CHRDL2: variants seen among roughly 807,000 people sequenced by gnomAD.
The protein encoded by CHRDL2 is chordin-like protein 2.
In CHRDL2, 41 loss-of-function variants were observed where a neutral mutation model predicts 54.3. The observed-to-expected ratio is 0.76, with a 90% CI of 0.59 to 0.98. The LOEUF (loss-of-function observed/expected upper bound fraction) is 0.98. Among genes scored for constraint, CHRDL2 ranks in the 50% least tolerant of loss-of-function variants. CHRDL2 has a pLI of 0.00. For missense variants in CHRDL2, 518 were observed against 562.4 expected (o/e 0.92, Z 0.80); for synonymous variants, 220 against 224.3 (o/e 0.98, Z 0.17).
chr11:74,706,380 CAA>C (rs987903258), intron 6 of CHRDL2, 105 bp downstream of exon 6: 1 of 1,133,550 alleles, frequency 8.8e-7, no homozygotes, highest in African/African-American at 1.5e-5. Context: ...AGGGGACAAA[CAA>C]GAAATGAGGA....
chr11:74,707,825 C>G (rs1163837957), intron 5 of CHRDL2, among the ~76,000 whole-genome samples: 1 of 152,102 alleles, frequency 6.6e-6, no homozygotes, highest in Non-Finnish European at 1.5e-5. Context: ...TGCCTCTGCT[C>G]CCAGGGCTAC....
intron 5 of CHRDL2, 39 bp downstream of exon 5, chr11:74,708,263 G>A (rs376829318): frequency 7.0e-5 from 98 of 1,409,220 alleles, no homozygotes; most frequent in Non-Finnish European, 8.9e-5. Context: ...ATGGAGTGGA[G>A]GGGTGGGTGA....
intron 4 of CHRDL2, among the ~76,000 whole-genome samples, chr11:74,709,421 G>T (rs551337046): frequency 6.6e-6 from 1 of 152,150 alleles, no homozygotes; most frequent in African/African-American, 2.4e-5. Flanking sequence ...TTCTGAGCCC[G>T]TTTCCTCATC....
In CHRDL2 at chr11:74,696,485, A is replaced by G; in HGVS notation, c.*24T>C. ...TATAATAACAACAATTATACAGCTC[A>G]TATCTGCAACTGTTAGGTCTTTGTT... On this transcript the variant is annotated 3_prime_UTR_variant, in exon 11 of 11. Transcript: ENST00000376332. 6.3e-7 allele frequency: 1 copy of G among 1,577,594 alleles called. No homozygotes were observed. Among genetic ancestry groups the G allele is most frequent in the Non-Finnish European group, 8.7e-7 (1 of 1,146,762 alleles).
rs144509806 is a variant in CHRDL2 at position 74,717,398 on chromosome 11, G to T, written c.195+1322C>A. On this transcript the variant is annotated intron_variant, in intron 2 of 10. Transcript: ENST00000376332. Reference sequence around the variant, plus strand: ...TTGGACTTTGTCAACTGGACCACATGATATGTCTGGAATTTTCTGTTATGA... The same window carrying T: ...TTGGACTTTGTCAACTGGACCACATTATATGTCTGGAATTTTCTGTTATGA... Among the ~76,000 whole-genome samples the T allele has an allele frequency of 3.9e-5, 6 of 152,332 alleles. No homozygotes were observed. In the East Asian group the frequency reaches 1.2e-3, roughly 29 times the overall value.
At chr11:74,704,034 G>A (rs1000956115) in intron 7 of CHRDL2, among the ~76,000 whole-genome samples, 4 of 152,090 alleles carry the variant, frequency 2.6e-5, no homozygotes, top group South Asian at 2.1e-4. Context: ...CTGCAGCCTC[G>A]CTCTGCTCCC....
intron 1 of CHRDL2, among the ~76,000 whole-genome samples, chr11:74,726,730 C>T (rs757878540): frequency 9.9e-5 from 15 of 152,188 alleles, no homozygotes; most frequent in African/African-American, 1.2e-4. Context: ...GCAGCCTGTG[C>T]GCCAGTGAGT....
At chr11:74,730,751 T>G (rs11236234) in intron 1 of CHRDL2, 56 bp downstream of exon 1, 825,386 of 1,499,070 alleles carry the variant, frequency 0.55, 233,386 homozygotes, top group Admixed American at 0.69. Flanking sequence ...GCGCTGTCCC[T>G]CACATTCCAG....
chr11:74,703,243 G>C, intron 8 of CHRDL2, 62 bp downstream of exon 8: 1 of 1,515,406 alleles, frequency 6.6e-7, no homozygotes, highest in Non-Finnish European at 8.9e-7. Flanking sequence ...TGTGGCCCTG[G>C]GGAGAGAGAC....
intron 1 of CHRDL2, among the ~76,000 whole-genome samples, chr11:74,725,048 C>T (rs1249673857): frequency 6.6e-6 from 1 of 151,532 alleles, no homozygotes; most frequent in Non-Finnish European, 1.5e-5. Flanking sequence ...GGCTGTGGTG[C>T]AGTGGCGCAA....
intron 2 of CHRDL2, 131 bp from the exon 3 acceptor site, chr11:74,713,610 CAATT>C: frequency 2.9e-6 from 2 of 687,778 alleles, no homozygotes. Context: ...GGACTGAAAA[CAATT>C]AAGTGTGCCC....
chr11:74,696,826 C>T (rs969295961), intron 10 of CHRDL2, among the ~76,000 whole-genome samples: 1 of 152,214 alleles, frequency 6.6e-6, no homozygotes, highest in Admixed American at 6.5e-5. Context: ...GTAATACTCC[C>T]CTCTGTGACC....
chr11:74,719,140 G>A (rs1433770), intron 1 of CHRDL2: 201,610 of 266,056 alleles, frequency 0.76, 76,897 homozygotes, highest in African/African-American at 0.83. Context: ...CATGGTATCA[G>A]CGTTAATTAT....
In CHRDL2 at chr11:74,718,833, C is replaced by T. The variant is rs1472625274; in HGVS notation, c.83-1G>A. The T allele has an allele frequency of 3.7e-6, 6 of 1,600,560 alleles. No individual in the cohort carries two copies. The highest frequency in any genetic ancestry group is 5.1e-6 in the Non-Finnish European group (6 of 1,171,098). On this transcript the variant is annotated splice_acceptor_variant, in intron 1 of 10. Transcript: ENST00000376332. LOFTEE classifies it high-confidence loss of function. ...TGGAAAAGGCAGAACATGTCTGGGC[C>T]TGGCAAACCGACCAGTGCCATGTTA...
chr11:74,702,134 T>C (rs2033836369), intron 9 of CHRDL2, among the ~76,000 whole-genome samples: 1 of 151,838 alleles, frequency 6.6e-6, no homozygotes, highest in African/African-American at 2.4e-5. Context: ...CTCATAACTG[T>C]GGTCCCAGCT....
chr11:74,719,104 C>A, intron 1 of CHRDL2: 3 of 407,662 alleles, frequency 7.4e-6, no homozygotes, highest in Non-Finnish European at 1.3e-5. Context: ...GGGAATCAAG[C>A]AGTGAAATGC....
intron 9 of CHRDL2, chr11:74,697,545 C>T (rs1331000006): frequency 1.8e-6 from 1 of 557,014 alleles, no homozygotes; most frequent in Non-Finnish European, 3.3e-6. Flanking sequence ...TAACCCCTTT[C>T]ACTCCCCCTC....
chr11:74,703,539 C>T (rs1257556472), intron 7 of CHRDL2, 40 bp from the exon 8 acceptor site: 8 of 1,492,914 alleles, frequency 5.4e-6, no homozygotes, highest in African/African-American at 2.8e-5. Flanking sequence ...ATCAGGGCCT[C>T]AGACCTGGCC....
chr11:74,711,171 A>C (rs1254639453), intron 3 of CHRDL2, among the ~76,000 whole-genome samples, 180 bp from the exon 4 acceptor site: 2 of 152,132 alleles, frequency 1.3e-5, no homozygotes, highest in African/African-American at 4.8e-5. Flanking sequence ...GGTCCCTCTG[A>C]TACCTACATC....
Sources: gnomAD v4.1 joint callset for allele counts (sites outside exome capture counted in the v4.1 genomes callset) on GRCh38, gnomAD v4.1.1 for gene constraint, MANE v1.5 for transcripts, NCBI Gene and HGNC (gene_info 2026-07-23, HGNC 2026-07-21) for gene names.